TMEM11: variants seen among roughly 807,000 people sequenced by gnomAD.
The protein encoded by TMEM11 is transmembrane protein 11, mitochondrial.
A neutral mutation model predicts 17.0 loss-of-function variants in TMEM11; 1 was observed. The ratio of observed to expected loss-of-function variants is 0.06; its 90% confidence interval spans 0.02 to 0.28. The LOEUF is 0.28. Among genes scored for constraint, TMEM11 ranks in the 10% least tolerant of loss-of-function variants. The probability of loss-of-function intolerance (pLI) is 1.00; values close to 1 mark genes in which losing one functional copy is unlikely to be tolerated. For missense variants in TMEM11, 172 were observed against 252.9 expected (o/e 0.68, Z 2.17); for synonymous variants, 122 against 118.1 (o/e 1.03, Z -0.21).
At position 21,211,318 on chromosome 17, in the gene TMEM11, G is replaced by A. The variant is rs1437818797; in HGVS notation, c.62+2773C>T. On this transcript the variant is annotated intron_variant, in intron 1 of 1. Coordinates refer to ENST00000317635, the MANE Select transcript of TMEM11 (RefSeq NM_003876.3). ...TCCTATCTTAGTCGAAACCAGCACT[G>A]TCCATATCATAACTTTCTGCAGTGA... is the stretch of plus-strand genomic sequence containing the variant. The A allele has an allele frequency of 1.2e-5, 11 of 941,892 alleles. No individual in the cohort carries two copies. The East Asian group carries it at 6.8e-4, about 58-fold the overall frequency. The allele number at this position is 941,892 out of a possible 1,614,324, so 58.3% of individuals were successfully genotyped here.
In TMEM11 at chr17:21,198,116, A is replaced by AC. The variant is rs1201778427; in HGVS notation, c.*207dup. The stretch of plus-strand genomic sequence containing the variant: ...CCCAGTCGGACTTCCACAGCCTCAG[A>AC]CCCCCCTCTTGGGTTATGGAAATCC... On this transcript the variant is annotated 3_prime_UTR_variant, in exon 2 of 2. Transcript: ENST00000317635. The surrounding 1 kb of genome is among the most constrained non-coding windows in gnomAD (Gnocchi z 6.5). 3 of 627,834 alleles carry AC rather than the reference A, an allele frequency of 4.8e-6. No individual in the cohort carries two copies. Among genetic ancestry groups the AC allele is most frequent in the South Asian group, 4.5e-5 (2 of 44,378 alleles). The allele number at this position is 627,834 out of a possible 1,614,324, so 38.9% of individuals were successfully genotyped here.
chr17:21,213,822 G>C (rs1357650513), intron 1 of TMEM11: 5 of 488,726 alleles, frequency 1.0e-5, no homozygotes, highest in Admixed American at 7.9e-5. Context: ...CTTTCAGCAC[G>C]GCCCGGCCTC....
In TMEM11 at chr17:21,198,385, G is replaced by A. The variant is rs1024426649; in HGVS notation, c.518C>T (p.Thr173Met). 4 of 1,614,092 alleles carry A rather than the reference G, an allele frequency of 2.5e-6. No homozygotes were observed. The highest frequency in any genetic ancestry group is 2.2e-5 in the East Asian group (1 of 44,896). Residue 173 changes from threonine to methionine, a missense_variant, in exon 2 of 2, where the codon ACG (threonine) becomes ATG (methionine). Thr to Met is a moderately conservative substitution (Grantham distance 81, BLOSUM62 -1). Transcript: ENST00000317635. This position sits in a 1 kb window ranked among gnomAD's most constrained non-coding sequence, Gnocchi z 6.5. ...GTACACCAGGGCGGCCAGTGCTATC[G>A]TGTTGTGCAGTCTCTTTCTGTGCAG... ...DDLHRKRLHN[T>M]IALAALVYCV...
chr17:21,198,095 G>A lies in TMEM11; in HGVS notation c.*229C>T. 1 of 558,508 alleles carries A rather than the reference G, an allele frequency of 1.8e-6. No homozygotes were observed. Among genetic ancestry groups the A allele is most frequent in the Non-Finnish European group, 3.1e-6 (1 of 324,780 alleles). The allele number at this position is 558,508 out of a possible 1,614,324, so 34.6% of individuals were successfully genotyped here. Reference sequence around the variant, plus strand: ...GCCTCCATCAGCATTCCACTGCCCAGTCGGACTTCCACAGCCTCAGACCCC... The same window carrying A: ...GCCTCCATCAGCATTCCACTGCCCAATCGGACTTCCACAGCCTCAGACCCC... On this transcript the variant is annotated 3_prime_UTR_variant, in exon 2 of 2. Coordinates refer to ENST00000317635, the MANE Select transcript of TMEM11 (RefSeq NM_003876.3). The surrounding 1 kb of genome is among the most constrained non-coding windows in gnomAD (Gnocchi z 6.5).
At chr17:21,203,285 A>T (rs975769318) in intron 1 of TMEM11, among the ~76,000 whole-genome samples, 3 of 152,214 alleles carry the variant, frequency 2.0e-5, no homozygotes, top group Non-Finnish European at 4.4e-5. Flanking sequence ...CCAGGCAGTC[A>T]GCACTCCAAC....
At position 21,198,089 on chromosome 17, in the gene TMEM11, T is replaced by C. The variant is rs1974839138; in HGVS notation, c.*235A>G. 1 of 538,008 alleles carries C rather than the reference T, an allele frequency of 1.9e-6. No individual in the cohort carries two copies. The highest frequency in any genetic ancestry group is 1.9e-5 in the African/African-American group (1 of 52,946). The allele number at this position is 538,008 out of a possible 1,614,324, so 33.3% of individuals were successfully genotyped here. ...GCGTCTGCCTCCATCAGCATTCCACTGCCCAGTCGGACTTCCACAGCCTCA... is the reference window on the plus strand; with the variant it reads ...GCGTCTGCCTCCATCAGCATTCCACCGCCCAGTCGGACTTCCACAGCCTCA... On this transcript the variant is annotated 3_prime_UTR_variant, in exon 2 of 2. Transcript: ENST00000317635. The surrounding 1 kb of genome is among the most constrained non-coding windows in gnomAD (Gnocchi z 6.5).
Position 21,198,170 on chromosome 17 carries a change from C to G in TMEM11, c.*154G>C. On this transcript the variant is annotated 3_prime_UTR_variant, in exon 2 of 2. Coordinates refer to ENST00000317635, the MANE Select transcript of TMEM11 (RefSeq NM_003876.3). The surrounding 1 kb of genome is among the most constrained non-coding windows in gnomAD (Gnocchi z 6.5). ...TCTTAGTGTAATGAGCTGAAAAACC[C>G]TGGGTACACCCGTGATCTGTTATTT... The G allele has an allele frequency of 1.0e-6, 1 of 993,810 alleles. No individual in the cohort carries two copies. The highest frequency in any genetic ancestry group is 1.5e-6 in the Non-Finnish European group (1 of 686,624). 61.6% of individuals were successfully genotyped at this position (993,810 alleles called of 1,614,324 possible).
At chr17:21,202,917 C>T (rs1004384248) in intron 1 of TMEM11, among the ~76,000 whole-genome samples, 2 of 152,242 alleles carry the variant, frequency 1.3e-5, no homozygotes, top group South Asian at 2.1e-4. Context: ...ACCATGGCCC[C>T]GGCCTCCTGC....
chr17:21,207,996 C>CT lies in TMEM11; in HGVS notation c.62+6094dup, dbSNP rs34994696. Among the ~76,000 whole-genome samples the CT allele has an allele frequency of 6.7e-4, 87 of 129,914 alleles. 2 individuals carry two copies. Among genetic ancestry groups the CT allele is most frequent in the Admixed American group, 2.3e-3 (30 of 13,284 alleles). 85.2% of individuals were successfully genotyped at this position (129,914 alleles called of 152,430 possible). On this transcript the variant is annotated intron_variant, in intron 1 of 1. Coordinates refer to ENST00000317635, the MANE Select transcript of TMEM11 (RefSeq NM_003876.3). Reference sequence around the variant, plus strand: ...CTATATTTTTTAAAAAAAAGTGTTTCTTTTTTTTTTTTTTGAGACGGAGTC... The same window carrying CT: ...CTATATTTTTTAAAAAAAAGTGTTTCTTTTTTTTTTTTTTTGAGACGGAGTC...
chr17:21,201,457 GC>G (rs1406201037), intron 1 of TMEM11, among the ~76,000 whole-genome samples: 5 of 152,156 alleles, frequency 3.3e-5, no homozygotes, highest in Admixed American at 1.3e-4. Context: ...CAGTGTCACG[GC>G]TGCCTCGCCA....
chr17:21,210,579 G>A (rs2144311217), intron 1 of TMEM11, among the ~76,000 whole-genome samples: 1 of 152,284 alleles, frequency 6.6e-6, no homozygotes, highest in South Asian at 2.1e-4. Context: ...GACCCAACCT[G>A]CCCCCGGGGC....
intron 1 of TMEM11, among the ~76,000 whole-genome samples, chr17:21,208,195 T>C (rs896747626): frequency 6.6e-6 from 1 of 151,962 alleles, no homozygotes; most frequent in Non-Finnish European, 1.5e-5. Context: ...GGTTTCACTG[T>C]GTTAGCGAGG....
Position 21,198,295 on chromosome 17 carries a change from G to GT in TMEM11, c.*28dup, listed in dbSNP as rs750434978. On this transcript the variant is annotated 3_prime_UTR_variant, in exon 2 of 2. Transcript: ENST00000317635. The surrounding 1 kb of genome is among the most constrained non-coding windows in gnomAD (Gnocchi z 6.5). ...TCTGTTGTCTCTTGTGGGCCGGGTG[G>GT]TTTTGCTTCGCTCCCTGTTCTACTG... The GT allele has an allele frequency of 6.3e-7, 1 of 1,589,252 alleles. No homozygotes were observed. Among genetic ancestry groups the GT allele is most frequent in the Non-Finnish European group, 8.6e-7 (1 of 1,163,674 alleles).
intron 1 of TMEM11, among the ~76,000 whole-genome samples, chr17:21,206,212 C>T (rs1029082156): frequency 1.3e-5 from 2 of 152,110 alleles, no homozygotes; most frequent in African/African-American, 4.8e-5. Context: ...TCCTCACCAA[C>T]ACTTGTTATT....
chr17:21,205,956 G>A (rs909527897), intron 1 of TMEM11, among the ~76,000 whole-genome samples: 2 of 151,970 alleles, frequency 1.3e-5, no homozygotes, highest in Non-Finnish European at 1.5e-5. Flanking sequence ...ATTCATCTGT[G>A]ATGGACACTT....
rs780357624 is a variant in TMEM11, at chr17:21,198,469, C to A, written c.434G>T (p.Arg145Leu). 1.9e-6 allele frequency: 3 copies of A among 1,614,096 alleles called. No homozygotes were observed. In the East Asian group the frequency reaches 6.7e-5, roughly 36 times the overall value. The change falls in exon 2 of 2, where the codon CGC becomes CTC. Residue 145 changes from arginine to leucine, a missense_variant. This residue lies in a region of TMEM11 where 123 missense variants were observed against 213.6 expected (regional missense o/e 0.58). Coordinates refer to ENST00000317635, the MANE Select transcript of TMEM11 (RefSeq NM_003876.3). This position sits in a 1 kb window ranked among gnomAD's most constrained non-coding sequence, Gnocchi z 6.5. The stretch of plus-strand genomic sequence containing the variant: ...GGAGGTGAGTGTGTGCAGAGGCAGG[C>A]GCGACAGTTTATAGGCGTCGTACTC... Reference protein sequence around the residue: ...QVEYDAYKLSRLPLHTLTSST... With the variant: ...QVEYDAYKLSLLPLHTLTSST...
intron 1 of TMEM11, among the ~76,000 whole-genome samples, chr17:21,206,047 T>TGG (rs35584579): frequency 1.8e-4 from 27 of 149,210 alleles, no homozygotes; most frequent in African/African-American, 6.1e-4. Context: ...CTGCTTTTTT[T>TGG]GGGGGGGGGG....
rs927605013 is a variant in TMEM11, at chr17:21,211,619, G to A, written c.62+2472C>T. ...ACTGGACCATCCAACACACAGCGCC[G>A]GCAGTAATACTGCAGGCAGTCTGGC... On this transcript the variant is annotated intron_variant, in intron 1 of 1. Coordinates refer to ENST00000317635, the MANE Select transcript of TMEM11 (RefSeq NM_003876.3). 1.3e-4 allele frequency among the ~76,000 whole-genome samples: 20 copies of A among 152,204 alleles called. No individual in the cohort carries two copies. The South Asian group carries it at 3.3e-3, about 25-fold the overall frequency.
intron 1 of TMEM11, among the ~76,000 whole-genome samples, chr17:21,206,048 G>A (rs779198035): frequency 6.6e-5 from 3 of 45,606 alleles, no homozygotes; most frequent in Admixed American, 5.5e-4. Context: ...TGCTTTTTTT[G>A]GGGGGGGGGT....
Sources: allele counts gnomAD v4.1 joint callset (sites outside exome capture counted in the v4.1 genomes callset), GRCh38; gene constraint gnomAD v4.1.1; regional missense constraint gnomAD v4.1.1; non-coding constraint Gnocchi (gnomAD v3.1); transcripts MANE v1.5; gene names NCBI Gene and HGNC (gene_info 2026-07-23, HGNC 2026-07-21).